PAFAH1B2: variants seen among roughly 807,000 people sequenced by gnomAD.
PAFAH1B2 encodes the protein platelet activating factor acetylhydrolase 1b catalytic subunit 2.
PAFAH1B2 carries 8 observed loss-of-function variants against 28.0 expected under a neutral mutation model. The ratio of observed to expected loss-of-function variants is 0.29; its 90% CI spans 0.17 to 0.52. The LOEUF (loss-of-function observed/expected upper bound fraction) is 0.52, where lower values mean the gene tolerates loss of function less well. Among genes scored for constraint, PAFAH1B2 ranks in the 20% least tolerant of loss-of-function variants. PAFAH1B2 has a pLI of 0.97. For missense variants in PAFAH1B2, 190 were observed against 282.6 expected, an observed-to-expected ratio of 0.67 and a Z score of 2.35; for synonymous variants, 104 against 103.2, an observed-to-expected ratio of 1.01 and a Z score of -0.05.
downstream of PAFAH1B2, among the ~76,000 whole-genome samples, chr11:117,173,158 G>T (rs1346904493): frequency 1.3e-5 from 2 of 152,218 alleles, no homozygotes; most frequent in African/African-American, 4.8e-5. Context: ...TTGTTTCCTG[G>T]AAAGCTCTGA....
At chr11:117,172,334 G>T (rs1956666208), downstream of PAFAH1B2, among the ~76,000 whole-genome samples, 1 of 114,336 alleles carries the variant, frequency 8.7e-6, no homozygotes, top group African/African-American at 3.2e-5. Flanking sequence ...CCTACTTGCT[G>T]GTTCATTCTA....
At position 117,168,158 on chromosome 11, in the gene PAFAH1B2, C is replaced by A. The variant is rs1270358764; in HGVS notation, c.*459C>A. ...AATTTAGCCTTTTGTTTTTATGTTG[C>A]TTAGATTCTTATGTATACTGAATAT... On this transcript the variant is annotated 3_prime_UTR_variant, in exon 6 of 6. Coordinates refer to ENST00000527958, the MANE Select transcript of PAFAH1B2 (RefSeq NM_002572.4). 9.5e-6 allele frequency: 10 copies of A among 1,049,838 alleles called. No individual in the cohort carries two copies. Among genetic ancestry groups the A allele is most frequent in the Non-Finnish European group, 1.2e-5 (10 of 867,968 alleles). 65.0% of individuals were successfully genotyped at this position (1,049,838 alleles called of 1,614,324 possible). A position where few individuals can be genotyped will look rare whatever the true frequency, so the allele number is the denominator to read the frequency against.
chr11:117,175,629 C>A, downstream of PAFAH1B2: 1 of 1,237,516 alleles, frequency 8.1e-7, no homozygotes. Flanking sequence ...AGCAGTGGTT[C>A]TCAAACTTCA....
At chr11:117,149,430 G>GTTTTTTTTTTTTTT (rs746125678) in intron 1 of PAFAH1B2, among the ~76,000 whole-genome samples, 6,231 of 85,822 alleles carry the variant, frequency 0.073, 1,709 homozygotes, top group Admixed American at 0.089. Context: ...TTTTCTAATC[G>GTTTTTTTTTTTTTT]TTTTTTTTTT....
downstream of PAFAH1B2, among the ~76,000 whole-genome samples, chr11:117,174,189 T>TGG (rs1207279794): frequency 6.6e-6 from 1 of 150,838 alleles, no homozygotes; most frequent in Non-Finnish European, 1.5e-5. Context: ...TGTGTGTGTG[T>TGG]GTGTGTGTGT....
intron 1 of PAFAH1B2, among the ~76,000 whole-genome samples, 164 bp from the exon 2 acceptor site, chr11:117,152,277 A>G (rs560904064): frequency 1.4e-4 from 22 of 152,328 alleles, no homozygotes; most frequent in African/African-American, 2.2e-4. Flanking sequence ...ATGTTCTGCA[A>G]TTCATCTCTA....
At chr11:117,157,683 T>C (rs189672414) in intron 2 of PAFAH1B2, among the ~76,000 whole-genome samples, 22 of 152,220 alleles carry the variant, frequency 1.4e-4, no homozygotes, top group African/African-American at 5.3e-4. Flanking sequence ...TCCTAGCTAG[T>C]TGGGAGGCTA....
downstream of PAFAH1B2, chr11:117,171,100 G>C (rs1956640471): frequency 9.9e-7 from 1 of 1,009,728 alleles, no homozygotes; most frequent in Non-Finnish European, 1.2e-6. Flanking sequence ...ATGAAAAAAA[G>C]GGATGGTTTT....
At chr11:117,165,173 C>T (rs757658096) in intron 5 of PAFAH1B2, among the ~76,000 whole-genome samples, 2 of 151,448 alleles carry the variant, frequency 1.3e-5, no homozygotes, top group Non-Finnish European at 1.5e-5. Flanking sequence ...GCCATGGTCT[C>T]GATCTCCTGA....
At chr11:117,171,340 T>G (rs1374984256), downstream of PAFAH1B2, among the ~76,000 whole-genome samples, 1 of 152,230 alleles carries the variant, frequency 6.6e-6, no homozygotes, top group Non-Finnish European at 1.5e-5. Flanking sequence ...TTATAGGCTG[T>G]GGACCACCTC....
rs1397276567 is a variant in PAFAH1B2 at position 117,148,179 on chromosome 11, G to A, written c.-8+3761G>A. ...AGATTCTCATGCCTCAGCCTCCTGA[G>A]TAGCTGGGATTACAAGTATGTGCCA... On this transcript the variant is annotated intron_variant, in intron 1 of 5. Coordinates refer to ENST00000527958, the MANE Select transcript of PAFAH1B2 (RefSeq NM_002572.4). 2.6e-5 allele frequency among the ~76,000 whole-genome samples: 4 copies of A among 151,414 alleles called. No individual in the cohort carries two copies. The East Asian group carries it at 7.7e-4, about 29-fold the overall frequency.
chr11:117,160,171 G>T, intron 3 of PAFAH1B2, 148 bp downstream of exon 3: 1 of 651,442 alleles, frequency 1.5e-6, no homozygotes. Flanking sequence ...GCTACCTAAA[G>T]GGATTTTCTT....
intron 2 of PAFAH1B2, among the ~76,000 whole-genome samples, chr11:117,156,966 G>T (rs1343899773): frequency 6.7e-6 from 1 of 150,362 alleles, no homozygotes; most frequent in Non-Finnish European, 1.5e-5. Context: ...GCAGTGAGCT[G>T]CCCCTCATAG....
At chr11:117,144,551 T>A in intron 1 of PAFAH1B2, 133 bp downstream of exon 1, 6 of 149,556 alleles carry the variant, frequency 4.0e-5, no homozygotes, top group East Asian at 2.0e-4. Context: ...CGCCGCCCCA[T>A]CCACTTGGGG....
downstream of PAFAH1B2, among the ~76,000 whole-genome samples, chr11:117,172,384 ATATATATATATATATATATATTTTT>A (rs1394048436): frequency 5.1e-3 from 10 of 1,962 alleles, no homozygotes; most frequent in African/African-American, 0.017. Context: ...ATATATATAT[ATATATATATATATATATATATTTTT>A]TTTTTTTTTT....
chr11:117,175,213 A>G, downstream of PAFAH1B2: 1 of 1,101,014 alleles, frequency 9.1e-7, no homozygotes, highest in South Asian at 4.2e-5. Context: ...CGGTAGCTGG[A>G]CCTGTGCACA....
At chr11:117,160,732 T>C (rs925083487) in intron 3 of PAFAH1B2, among the ~76,000 whole-genome samples, 2 of 152,066 alleles carry the variant, frequency 1.3e-5, no homozygotes, top group Non-Finnish European at 2.9e-5. Context: ...GCTGGGATTA[T>C]AGGCATGGGC....
chr11:117,170,706 A>T lies in PAFAH1B2; in HGVS notation c.*3007A>T. 9.4e-7 allele frequency: 1 copy of T among 1,060,598 alleles called. No individual in the cohort carries two copies. Among genetic ancestry groups the T allele is most frequent in the South Asian group, 4.6e-5 (1 of 21,946 alleles). The allele number at this position is 1,060,598 out of a possible 1,614,324, so 65.7% of individuals were successfully genotyped here. ...GTCACTGTTTACAATTGTATGCTAA[A>T]GCCTGAAATATTGTCTGTGCTGTGG... On this transcript the variant is annotated 3_prime_UTR_variant, in exon 6 of 6. Transcript: ENST00000527958.
Position 117,151,233 on chromosome 11 carries a change from C to CTTT in PAFAH1B2, c.-7-1196_-7-1194dup, listed in dbSNP as rs11449159. On this transcript the variant is annotated intron_variant, in intron 1 of 5. Coordinates refer to ENST00000527958, the MANE Select transcript of PAFAH1B2 (RefSeq NM_002572.4). ...ATCATTACTAAAATTTTTTCTTTTTCTTTTTTTTTTTTTTGAGATGGAGTC... is the reference window on the plus strand; with the variant it reads ...ATCATTACTAAAATTTTTTCTTTTTCTTTTTTTTTTTTTTTTTGAGATGGAGTC... 7.5e-3 allele frequency among the ~76,000 whole-genome samples: 1,011 copies of CTTT among 133,926 alleles called. 22 individuals are homozygous for CTTT. The highest frequency in any genetic ancestry group is 0.027 in the African/African-American group (949 of 35,790). The allele number at this position is 133,926 out of a possible 152,430, so 87.9% of individuals were successfully genotyped here.
Sources: allele counts gnomAD v4.1 joint callset (sites outside exome capture counted in the v4.1 genomes callset), GRCh38; gene constraint gnomAD v4.1.1; transcripts MANE v1.5; gene names NCBI Gene and HGNC (gene_info 2026-07-23, HGNC 2026-07-21).